The following MGAT3 variants were observed in gnomAD, a reference collection of about 807,000 sequenced individuals.
MGAT3 encodes beta-1,4-mannosyl-glycoprotein 4-beta-N-acetylglucosaminyltransferase.
Under a neutral mutation model 29.8 loss-of-function variants are expected in MGAT3, and 9 were observed. The ratio of observed to expected loss-of-function variants is 0.30; its 90% confidence interval spans 0.18 to 0.53. The LOEUF is 0.53. Among genes scored for constraint, MGAT3 ranks in the 20% least tolerant of loss-of-function variants. The pLI is 0.96. For synonymous variants in MGAT3, 397 were observed against 348.9 expected (o/e 1.14, Z -1.54); for missense variants, 557 against 769.5 (o/e 0.72, Z 3.27).
intron 1 of MGAT3, among the ~76,000 whole-genome samples, chr22:39,467,656 TTTTCGTTTCG>T (rs550481738): frequency 5.3e-5 from 8 of 149,584 alleles, no homozygotes; most frequent in Admixed American, 5.3e-4. Context: ...TTTTCTTTTC[TTTTCGTTTCG>T]TTTCGTTTTG....
intron 1 of MGAT3, among the ~76,000 whole-genome samples, chr22:39,471,702 G>A (rs1024394320): frequency 6.6e-6 from 1 of 152,250 alleles, no homozygotes; most frequent in Non-Finnish European, 1.5e-5. Context: ...AGGGCCTTTC[G>A]GCAGCCCTCC....
chr22:39,485,214 G>A (rs138439619), intron 1 of MGAT3, among the ~76,000 whole-genome samples: 1 of 152,308 alleles, frequency 6.6e-6, no homozygotes, highest in East Asian at 1.9e-4. Context: ...CTGGTCAAAT[G>A]GATGTAAACT....
At chr22:39,471,055 GCCT>G (rs1928795919) in intron 1 of MGAT3, among the ~76,000 whole-genome samples, 1 of 152,088 alleles carries the variant, frequency 6.6e-6, no homozygotes, top group East Asian at 1.9e-4. Context: ...CTTTTCCTGG[GCCT>G]CCTTTGTTAT....
At chr22:39,463,878 A>C (rs1465628190) in intron 1 of MGAT3, among the ~76,000 whole-genome samples, 1 of 151,664 alleles carries the variant, frequency 6.6e-6, no homozygotes, top group South Asian at 2.1e-4. Context: ...TCGCACCACC[A>C]CTCTCCAGCC....
At position 39,487,095 on chromosome 22, in the gene MGAT3, GGGGGCAGGGTGGT is replaced by G; in HGVS notation, c.-1-249_-1-237del. On this transcript the variant is annotated intron_variant, in intron 1 of 1. Transcript: ENST00000341184. This position sits in a 1 kb window ranked among gnomAD's most constrained non-coding sequence, Gnocchi z 5.7. ...GCCAGGCGGAGAAGCAGGCTGCAGA[GGGGGCAGGGTGGT>G]GGCCTGGGGATCTCAGGGAAGGGCT... is the stretch of plus-strand genomic sequence containing the variant. Among the ~76,000 whole-genome samples, 1 of 152,190 alleles carries G rather than the reference GGGGGCAGGGTGGT, an allele frequency of 6.6e-6. No homozygotes were observed. Among genetic ancestry groups the G allele is most frequent in the Non-Finnish European group, 1.5e-5 (1 of 68,026 alleles).
chr22:39,461,154 C>T (rs1928486903), intron 1 of MGAT3, among the ~76,000 whole-genome samples: 1 of 152,152 alleles, frequency 6.6e-6, no homozygotes, highest in African/African-American at 2.4e-5. Flanking sequence ...CCACCCATGG[C>T]CTAACAAGAG....
rs1053404398 is a variant in MGAT3, at chr22:39,489,123, T to C, written c.*174T>C. On this transcript the variant is annotated 3_prime_UTR_variant, in exon 2 of 2. Transcript: ENST00000341184. ...CCTTGTGAATCAAGGGTCAGGCCTTTGAGCTCAGAAAATATCCCTCCTGTT... is the reference window on the plus strand; with the variant it reads ...CCTTGTGAATCAAGGGTCAGGCCTTCGAGCTCAGAAAATATCCCTCCTGTT... The C allele has an allele frequency of 2.2e-6, 2 of 905,390 alleles. No individual in the cohort carries two copies. The highest frequency in any genetic ancestry group is 3.4e-5 in the African/African-American group (2 of 59,230). 56.1% of individuals were successfully genotyped at this position (905,390 alleles called of 1,614,324 possible). A position where few individuals can be genotyped will look rare whatever the true frequency, so the allele number is the denominator to read the frequency against.
Position 39,488,974 on chromosome 22 carries a change from T to C in MGAT3, c.*25T>C, listed in dbSNP as rs758857984. On this transcript the variant is annotated 3_prime_UTR_variant, in exon 2 of 2. Transcript: ENST00000341184. ...GAGCTGCATGATCTGATAGGGTTTG[T>C]GACAGGGCGGGGGTGGCGGCGGCCC... 1 of 1,583,608 alleles carries C rather than the reference T, an allele frequency of 6.3e-7. No homozygotes were observed. Among genetic ancestry groups the C allele is most frequent in the Non-Finnish European group, 8.6e-7 (1 of 1,166,676 alleles).
In MGAT3 at chr22:39,467,896, A is replaced by G. The variant is rs1601720133; in HGVS notation, c.-2+10339A>G. Among the ~76,000 whole-genome samples the G allele has an allele frequency of 2.6e-5, 4 of 151,632 alleles. No homozygotes were observed. The East Asian group carries it at 5.8e-4, about 22-fold the overall frequency. On this transcript the variant is annotated intron_variant, in intron 1 of 1. Coordinates refer to ENST00000341184, the MANE Select transcript of MGAT3 (RefSeq NM_002409.5). Reference sequence around the variant, plus strand: ...AAACTTAGAGGAGGAAACCTGGAGCAGCAAAGCTAGAATGTGGGTCTTCCA... The same window carrying G: ...AAACTTAGAGGAGGAAACCTGGAGCGGCAAAGCTAGAATGTGGGTCTTCCA...
Position 39,488,154 on chromosome 22 carries a change from G to C in MGAT3, c.807G>C (p.Val269=). The change falls in exon 2 of 2, where the codon GTG becomes GTC. Residue 269 remains valine, a synonymous_variant. Transcript: ENST00000341184. ...NGTFEYIRHK[V]LYVFLDHFPP... Reference sequence around the variant, plus strand: ...CCTTCGAGTACATCCGCCACAAGGTGCTCTATGTCTTCCTGGACCACTTCC... The same window carrying C: ...CCTTCGAGTACATCCGCCACAAGGTCCTCTATGTCTTCCTGGACCACTTCC... The C allele has an allele frequency of 6.2e-7, 1 of 1,613,030 alleles. No individual in the cohort carries two copies. The highest frequency in any genetic ancestry group is 8.5e-7 in the Non-Finnish European group (1 of 1,179,922).
At chr22:39,459,221 C>T (rs915597038) in intron 1 of MGAT3, among the ~76,000 whole-genome samples, 8 of 152,054 alleles carry the variant, frequency 5.3e-5, no homozygotes, top group African/African-American at 1.9e-4. Flanking sequence ...CCACAGGTGC[C>T]CGACACCACA....
chr22:39,468,481 G>C (rs1928717912), intron 1 of MGAT3, among the ~76,000 whole-genome samples: 1 of 152,188 alleles, frequency 6.6e-6, no homozygotes, highest in South Asian at 2.1e-4. Context: ...GGCCATGAAG[G>C]CTCCAGTCAT....
intron 1 of MGAT3, among the ~76,000 whole-genome samples, chr22:39,478,046 C>T (rs1033185060): frequency 6.6e-6 from 1 of 152,256 alleles, no homozygotes; most frequent in Non-Finnish European, 1.5e-5. Context: ...GGGATTGCTG[C>T]AAAGATGTGC....
Position 39,457,345 on chromosome 22 carries a change from C to G in MGAT3, c.-214C>G, listed in dbSNP as rs1928359252. 5.1e-5 allele frequency: 1 copy of G among 19,554 alleles called. No homozygotes were observed. The highest frequency in any genetic ancestry group is 2.0e-4 in the African/African-American group (1 of 5,066). The allele number at this position is 19,554 out of a possible 1,614,324, so 1.2% of individuals were successfully genotyped here. On this transcript the variant is annotated 5_prime_UTR_variant, in exon 1 of 2. Coordinates refer to ENST00000341184, the MANE Select transcript of MGAT3 (RefSeq NM_002409.5). The surrounding 1 kb of genome is among the most constrained non-coding windows in gnomAD (Gnocchi z 6.8). ...GAGCGGCCGCGCCGGGTCCCCGGGA[C>G]GGGGTGGAAGTGGGGGTGGGGGGAG...
intron 1 of MGAT3, among the ~76,000 whole-genome samples, chr22:39,474,628 G>A (rs983539823): frequency 6.6e-6 from 1 of 152,250 alleles, no homozygotes; most frequent in African/African-American, 2.4e-5. Context: ...GCAGGTCTGT[G>A]GTCATGTGTG....
chr22:39,458,383 GAC>G (rs1379352965), intron 1 of MGAT3, among the ~76,000 whole-genome samples: 2 of 152,126 alleles, frequency 1.3e-5, no homozygotes, highest in African/African-American at 4.8e-5. Flanking sequence ...GGTGTGGGCA[GAC>G]ACACTACCCC....
At chr22:39,475,653 C>T (rs1396673143) in intron 1 of MGAT3, among the ~76,000 whole-genome samples, 2 of 152,200 alleles carry the variant, frequency 1.3e-5, no homozygotes, top group Admixed American at 6.5e-5. Flanking sequence ...CTCCCTTGCT[C>T]CAGCTCTGTG....
chr22:39,488,485 C>T lies in MGAT3; in HGVS notation c.1138C>T (p.Arg380Cys), dbSNP rs149871838. 1.8e-4 allele frequency: 298 copies of T among 1,612,626 alleles called. No homozygotes were observed. The highest frequency in any genetic ancestry group is 2.3e-4 in the Non-Finnish European group (273 of 1,179,974). ...GGCAGTGTATGGGCTGGACGGCATC[C>T]GCCTGCGCCGCCGCCAGTACTACAC... ...LQAVYGLDGI[R>C]LRRRQYYTMP... is the part of the protein sequence containing the mutation. The change falls in exon 2 of 2, where the codon CGC (arginine) becomes TGC (cysteine). Residue 380 changes from arginine to cysteine, a missense_variant. Arg to Cys is a radical substitution (Grantham distance 180). This residue lies in a region of MGAT3 where 243 missense variants were observed against 444.0 expected (regional missense o/e 0.55). Transcript: ENST00000341184.
At chr22:39,471,492 G>T (rs1928808431) in intron 1 of MGAT3, among the ~76,000 whole-genome samples, 1 of 152,044 alleles carries the variant, frequency 6.6e-6, no homozygotes, top group Admixed American at 6.5e-5. Flanking sequence ...GGCTTGAGCA[G>T]CCCCTTCCCA....
Sources: gnomAD v4.1 joint callset for allele counts (sites outside exome capture counted in the v4.1 genomes callset) on GRCh38, gnomAD v4.1.1 for gene constraint, gnomAD v4.1.1 regional missense constraint, Gnocchi (gnomAD v3.1) non-coding constraint, MANE v1.5 for transcripts, NCBI Gene and HGNC (gene_info 2026-07-23, HGNC 2026-07-21) for gene names.